CPD: variants seen among roughly 807,000 people sequenced by gnomAD.
CPD encodes carboxypeptidase D.
Under a neutral mutation model 138.3 loss-of-function variants are expected in CPD, and 69 were observed. That is an observed-to-expected ratio of 0.50 (90% confidence interval 0.41 to 0.61). CPD has a LOEUF of 0.61. Among genes scored for constraint, CPD ranks in the 20% least tolerant of loss-of-function variants. The pLI is 0.00. For missense variants in CPD, 1,432 were observed against 1,733.3 expected (o/e 0.83, Z 3.09); for synonymous variants, 651 against 642.1 (o/e 1.01, Z -0.21).
At chr17:30,404,430 C>A (rs1483788227) in intron 2 of CPD, among the ~76,000 whole-genome samples, 1 of 152,038 alleles carries the variant, frequency 6.6e-6, no homozygotes, top group African/African-American at 2.4e-5. Context: ...TGGTAAATAT[C>A]GTGACAATAA....
intron 2 of CPD, among the ~76,000 whole-genome samples, chr17:30,406,252 A>C (rs1436672065): frequency 3.3e-5 from 5 of 152,084 alleles, no homozygotes; most frequent in Non-Finnish European, 7.4e-5. Flanking sequence ...TGTGAAGCTA[A>C]TATTAAAATC....
intron 1 of CPD, chr17:30,380,703 G>A: frequency 8.5e-7 from 1 of 1,182,038 alleles, no homozygotes; most frequent in Non-Finnish European, 1.2e-6. Flanking sequence ...GATGTGTGTG[G>A]GCTGCAATAA....
intron 8 of CPD, among the ~76,000 whole-genome samples, chr17:30,437,666 G>A (rs1217566791): frequency 1.3e-5 from 2 of 152,076 alleles, no homozygotes; most frequent in African/African-American, 4.8e-5. Context: ...TGAGCTGGGT[G>A]ACAAACAAGA....
rs1406686450 is a variant in CPD, at chr17:30,412,970, T to C, written c.995-7871T>C. ...CTACCCCTCTTCTGTGTCAATCTTGTCGATCTTGCTGGGAGCTGCAGACCG... is the reference window on the plus strand; with the variant it reads ...CTACCCCTCTTCTGTGTCAATCTTGCCGATCTTGCTGGGAGCTGCAGACCG... On this transcript the variant is annotated intron_variant, in intron 2 of 20. Coordinates refer to ENST00000225719, the MANE Select transcript of CPD (RefSeq NM_001304.5). Among the ~76,000 whole-genome samples, 2 of 152,210 alleles carry C rather than the reference T, an allele frequency of 1.3e-5. 1 individual carries two copies. Among genetic ancestry groups the C allele is most frequent in the Admixed American group, 1.3e-4 (2 of 15,290 alleles).
intron 2 of CPD, 125 bp downstream of exon 2, chr17:30,385,361 G>A (rs532338923): frequency 1.6e-6 from 2 of 1,246,878 alleles, no homozygotes; most frequent in East Asian, 2.5e-5. Context: ...TTTTTATTTT[G>A]AAAATTTCAA....
chr17:30,429,399 TC>T (rs1912504979), intron 7 of CPD, among the ~76,000 whole-genome samples: 1 of 152,200 alleles, frequency 6.6e-6, no homozygotes, highest in Admixed American at 6.5e-5. Context: ...GAATCTTCAG[TC>T]ATGCAGACAT....
At chr17:30,406,386 A>G (rs1366321928) in intron 2 of CPD, among the ~76,000 whole-genome samples, 1 of 152,112 alleles carries the variant, frequency 6.6e-6, no homozygotes, top group African/African-American at 2.4e-5. Flanking sequence ...TAAGGATGCT[A>G]AATGTATTTT....
chr17:30,424,202 A>G (rs569442153), intron 6 of CPD, among the ~76,000 whole-genome samples: 15 of 152,210 alleles, frequency 9.9e-5, no homozygotes, highest in Non-Finnish European at 2.2e-4. Flanking sequence ...GAGGGTTGAA[A>G]GATTTATTAT....
intron 7 of CPD, among the ~76,000 whole-genome samples, chr17:30,428,409 T>G (rs1364979279): frequency 6.6e-6 from 1 of 152,198 alleles, no homozygotes; most frequent in East Asian, 1.9e-4. Flanking sequence ...TCAGGATTAT[T>G]CACAATAACA....
At chr17:30,391,869 G>T (rs1289246387) in intron 2 of CPD, among the ~76,000 whole-genome samples, 1 of 152,136 alleles carries the variant, frequency 6.6e-6, no homozygotes, top group African/African-American at 2.4e-5. Context: ...TGAAGATAGG[G>T]ACTTTGTTTT....
intron 8 of CPD, among the ~76,000 whole-genome samples, chr17:30,437,717 GC>G (rs992176551): frequency 1.3e-5 from 2 of 151,966 alleles, no homozygotes; most frequent in Non-Finnish European, 2.9e-5. Flanking sequence ...CAAAACCAAA[GC>G]AAAAGAGCAT....
intron 2 of CPD, among the ~76,000 whole-genome samples, chr17:30,391,235 G>A (rs1284313132): frequency 6.9e-6 from 1 of 145,424 alleles, no homozygotes; most frequent in Non-Finnish European, 1.5e-5. Flanking sequence ...ATCATATGAT[G>A]TTTTGGTATG....
At chr17:30,405,131 G>T (rs55799138) in intron 2 of CPD, among the ~76,000 whole-genome samples, 1 of 152,080 alleles carries the variant, frequency 6.6e-6, no homozygotes, top group Non-Finnish European at 1.5e-5. Context: ...CACAGAAACC[G>T]TCTGTGGTCT....
intron 20 of CPD, among the ~76,000 whole-genome samples, chr17:30,463,588 G>A (rs1236910690): frequency 1.3e-5 from 2 of 152,256 alleles, no homozygotes; most frequent in African/African-American, 4.8e-5. Context: ...AAAAAATGTG[G>A]TAAAATGAAT....
rs542055112 is a variant in CPD at position 30,399,107 on chromosome 17, CAG to C, written c.994+13875_994+13876del. On this transcript the variant is annotated intron_variant, in intron 2 of 20. Coordinates refer to ENST00000225719, the MANE Select transcript of CPD (RefSeq NM_001304.5). Reference sequence around the variant, plus strand: ...TTACTTTTATGAGATTGTATCAAGACAGAGATAAATATTTTATAATATATTTA... The same window carrying C: ...TTACTTTTATGAGATTGTATCAAGACAGATAAATATTTTATAATATATTTA... Among the ~76,000 whole-genome samples the C allele has an allele frequency of 2.5e-3, 380 of 151,916 alleles. 1 individual carries two copies. The highest frequency in any genetic ancestry group is 8.7e-3 in the African/African-American group (361 of 41,506).
chr17:30,461,322 T>C lies in CPD; in HGVS notation c.3630+11T>C. 6.5e-7 allele frequency: 1 copy of C among 1,548,660 alleles called. No individual in the cohort carries two copies. Among genetic ancestry groups the C allele is most frequent in the Non-Finnish European group, 8.7e-7 (1 of 1,149,528 alleles). On this transcript the variant is annotated intron_variant, in intron 18 of 20. Transcript: ENST00000225719. ...AGTATGTTAGTGGAGGTGAGTCTTT[T>C]CCTTTTAACTAGAGGCAAACTCCCA...
chr17:30,451,904 AGATT>A (rs1394352420), intron 14 of CPD, 58 bp downstream of exon 14: 64 of 1,513,318 alleles, frequency 4.2e-5, no homozygotes, highest in South Asian at 2.9e-4. Flanking sequence ...TTCTGCTAGA[AGATT>A]GATTGATCCT....
intron 2 of CPD, among the ~76,000 whole-genome samples, chr17:30,405,232 T>A (rs1249271528): frequency 6.6e-6 from 1 of 152,104 alleles, no homozygotes; most frequent in Non-Finnish European, 1.5e-5. Context: ...ATCCACATAG[T>A]GCAAGAGAAA....
Position 30,449,640 on chromosome 17 carries a change from T to G in CPD, c.2961T>G (p.Ile987Met), listed in dbSNP as rs151154082. 5.6e-6 allele frequency: 9 copies of G among 1,609,818 alleles called. No individual in the cohort carries two copies. The African/African-American group carries it at 9.4e-5, about 17-fold the overall frequency. The change falls in exon 13 of 21, where the codon ATT becomes ATG. Residue 987 changes from isoleucine (I) to methionine (M), a missense_variant. By Grantham distance (10) the Ile-to-Met change is conservative. This residue lies in a region of CPD where 366 missense variants were observed against 518.8 expected (regional missense o/e 0.71). Transcript: ENST00000225719. ...TATCTGAGCCTGAAGAACCAAAGATTCGTTTTGTTGCTGGTATCCATGGAA... is the reference window on the plus strand; with the variant it reads ...TATCTGAGCCTGAAGAACCAAAGATGCGTTTTGTTGCTGGTATCCATGGAA... ...PNVSEPEEPK[I>M]RFVAGIHGNA...
Sources: gnomAD v4.1 joint callset for allele counts (sites outside exome capture counted in the v4.1 genomes callset) on GRCh38, gnomAD v4.1.1 for gene constraint, gnomAD v4.1.1 regional missense constraint, MANE v1.5 for transcripts, NCBI Gene and HGNC (gene_info 2026-07-23, HGNC 2026-07-21) for gene names.